Variants in TCEA3 observed in about 807,000 individuals in gnomAD.
TCEA3 encodes transcription elongation factor A3.
Under a neutral mutation model 44.0 loss-of-function variants are expected in TCEA3, and 36 were observed. That is an observed-to-expected ratio of 0.82 (90% CI 0.63 to 1.08). The LOEUF (loss-of-function observed/expected upper bound fraction) is 1.08, where lower values mean the gene tolerates loss of function less well. Among genes scored for constraint, TCEA3 ranks in the 50% least tolerant of loss-of-function variants. The pLI is 0.00. For synonymous variants in TCEA3, 162 were observed against 159.7 expected, an observed-to-expected ratio of 1.01 and a Z score of -0.11; for missense variants, 392 against 441.2, an observed-to-expected ratio of 0.89 and a Z score of 1.00.
intron 5 of TCEA3, among the ~76,000 whole-genome samples, chr1:23,407,305 C>T (rs1639571526): frequency 6.6e-6 from 1 of 152,182 alleles, no homozygotes; most frequent in African/African-American, 2.4e-5. Flanking sequence ...TGATATCTTG[C>T]CTGAATTACC....
At position 23,417,309 on chromosome 1, in the gene TCEA3, T is replaced by C; in HGVS notation, c.320A>G (p.Asp107Gly). 1 of 1,614,062 alleles carries C rather than the reference T, an allele frequency of 6.2e-7. No homozygotes were observed. The highest frequency in any genetic ancestry group is 8.5e-7 in the Non-Finnish European group (1 of 1,179,904). ...AGAAAGGCCTGCTTCTGGCTTCCAG[T>C]CTGAACACTCAAGCCCTTTTTCCTT... Reference protein sequence around the residue: ...KKKEKGLECSDWKPEAGLSPP... With the variant: ...KKKEKGLECSGWKPEAGLSPP... Residue 107 changes from aspartate (D) to glycine (G), a missense_variant, in exon 4 of 11, where the codon GAC (aspartate) becomes GGC (glycine). Coordinates refer to ENST00000450454, the MANE Select transcript of TCEA3 (RefSeq NM_003196.3).
rs567463790 is a variant in TCEA3, at chr1:23,393,993, C to T, written c.705G>A (p.Arg235=). 2.1e-5 allele frequency: 34 copies of T among 1,614,058 alleles called. No homozygotes were observed. In the East Asian group the frequency reaches 7.1e-4, roughly 34 times the overall value. Residue 235 remains arginine (R), a synonymous_variant, in exon 8 of 11, where the codon CGG becomes CGA. Coordinates refer to ENST00000450454, the MANE Select transcript of TCEA3 (RefSeq NM_003196.3). ...QELKSTDMKY[R]NRVRSRISNL... ...TGCTTATGCGGCTGCGCACGCGGTT[C>T]CGGTACTTCATGTCCGTGCTCTTGA...
intron 1 of TCEA3, chr1:23,424,030 C>G (rs1218808477): frequency 5.4e-6 from 2 of 367,750 alleles, no homozygotes; most frequent in East Asian, 1.5e-4. Context: ...CCTGACGCAC[C>G]AAGCGGTGGG....
intron 1 of TCEA3, among the ~76,000 whole-genome samples, chr1:23,422,438 G>A (rs1347098858): frequency 6.6e-6 from 1 of 152,198 alleles, no homozygotes; most frequent in Non-Finnish European, 1.5e-5. Flanking sequence ...ATGCTCAGAG[G>A]ATGTGACAAA....
chr1:23,403,452 C>G (rs990500140), intron 5 of TCEA3: 2 of 152,216 alleles, frequency 1.3e-5, no homozygotes, highest in Non-Finnish European at 2.9e-5. Context: ...AGGCAGTTTA[C>G]ATAGATAACC....
chr1:23,392,387 C>A (rs111634557), intron 8 of TCEA3, among the ~76,000 whole-genome samples: 5 of 13,276 alleles, frequency 3.8e-4, no homozygotes, highest in South Asian at 2.2e-3. Flanking sequence ...ACATCATACA[C>A]AAAACACACT....
intron 1 of TCEA3, among the ~76,000 whole-genome samples, chr1:23,422,329 TTAAC>T (rs1471820391): frequency 2.0e-5 from 3 of 152,228 alleles, no homozygotes; most frequent in Non-Finnish European, 4.4e-5. Flanking sequence ...AGTTGCTTGT[TTAAC>T]TACTGTGTTG....
chr1:23,422,025 C>T (rs1200810593), intron 1 of TCEA3, among the ~76,000 whole-genome samples: 1 of 152,192 alleles, frequency 6.6e-6, no homozygotes, highest in Admixed American at 6.5e-5. Context: ...CAAATGGGTT[C>T]TGTAGCCAGT....
intron 7 of TCEA3, among the ~76,000 whole-genome samples, chr1:23,395,878 T>A (rs1002158532): frequency 7.1e-6 from 1 of 140,520 alleles, no homozygotes; most frequent in African/African-American, 2.7e-5. Flanking sequence ...AGGCTGGGAG[T>A]GGAACTTTGT....
intron 7 of TCEA3, among the ~76,000 whole-genome samples, chr1:23,396,184 C>T (rs189856360): frequency 1.3e-5 from 2 of 152,044 alleles, no homozygotes; most frequent in Non-Finnish European, 2.9e-5. Context: ...GCAAATTTGT[C>T]GTCTGCAGAT....
intron 9 of TCEA3, among the ~76,000 whole-genome samples, chr1:23,386,439 C>T (rs577488000): frequency 6.6e-6 from 1 of 152,280 alleles, no homozygotes; most frequent in East Asian, 1.9e-4. Context: ...CGTTTCACCA[C>T]GTTGCCCAGG....
At position 23,383,401 on chromosome 1, in the gene TCEA3, G is replaced by A. The variant is rs1036159872; in HGVS notation, c.1038+945C>T. On this transcript the variant is annotated intron_variant, in intron 10 of 10. Transcript: ENST00000450454. ...TGTATTTCAATTTCCTTGTCTGAAAGTAAGAATAACATTATAAAGGAACAA... is the reference window on the plus strand; with the variant it reads ...TGTATTTCAATTTCCTTGTCTGAAAATAAGAATAACATTATAAAGGAACAA... 12 of 942,126 alleles carry A rather than the reference G, an allele frequency of 1.3e-5. No individual in the cohort carries two copies. The Admixed American group carries it at 6.2e-4, about 49-fold the overall frequency. 58.4% of individuals were successfully genotyped at this position (942,126 alleles called of 1,614,324 possible).
Position 23,381,424 on chromosome 1 carries a change from CCT to C in TCEA3, c.*40_*41del. 1 of 779,850 alleles carries C rather than the reference CCT, an allele frequency of 1.3e-6. No homozygotes were observed. Among genetic ancestry groups the C allele is most frequent in the Non-Finnish European group, 2.4e-6 (1 of 417,742 alleles). The allele number at this position is 779,850 out of a possible 1,614,324, so 48.3% of individuals were successfully genotyped here. A position where few individuals can be genotyped will look rare whatever the true frequency, so the allele number is the denominator to read the frequency against. ...CTCCAGTTCAGATAATTCAGCGCTT[CCT>C]CTTTCTTCTTCCTCACCTTGTTCAT... On this transcript the variant is annotated 3_prime_UTR_variant, in exon 11 of 11. Transcript: ENST00000450454.
At chr1:23,385,614 C>T (rs898410948) in intron 9 of TCEA3, among the ~76,000 whole-genome samples, 8 of 152,128 alleles carry the variant, frequency 5.3e-5, no homozygotes, top group Admixed American at 4.6e-4. Context: ...TGGTGTGTGC[C>T]GAACAGACGG....
chr1:23,413,939 T>C (rs1381235508), intron 4 of TCEA3, among the ~76,000 whole-genome samples: 1 of 148,450 alleles, frequency 6.7e-6, no homozygotes, highest in Non-Finnish European at 1.5e-5. Context: ...AATAGGTATT[T>C]TATACCTATT....
chr1:23,413,402 A>G (rs994077424), intron 4 of TCEA3, among the ~76,000 whole-genome samples: 1 of 152,142 alleles, frequency 6.6e-6, no homozygotes, highest in Middle Eastern at 3.4e-3. Flanking sequence ...TGCTGGGATT[A>G]CAAGCATGAG....
rs1638669907 is a variant in TCEA3, at chr1:23,381,460, G to C, written c.*6C>G. The stretch of plus-strand genomic sequence containing the variant: ...TTCCTCACCTTGTTCATGGCTGGCT[G>C]TTCCATCAGCAGAACTACAAAACCA... On this transcript the variant is annotated 3_prime_UTR_variant, in exon 11 of 11. Coordinates refer to ENST00000450454, the MANE Select transcript of TCEA3 (RefSeq NM_003196.3). The C allele has an allele frequency of 2.6e-6, 2 of 780,852 alleles. No homozygotes were observed. Among genetic ancestry groups the C allele is most frequent in the Non-Finnish European group, 4.8e-6 (2 of 417,970 alleles). 48.4% of individuals were successfully genotyped at this position (780,852 alleles called of 1,614,324 possible).
chr1:23,399,136 GTATATATGTATATATATATATATA>G (rs201686247), intron 5 of TCEA3, among the ~76,000 whole-genome samples: 14,361 of 58,680 alleles, frequency 0.24, 1,676 homozygotes, highest in South Asian at 0.47. Flanking sequence ...TTATATATAT[GTATATATGTATATATATATATATA>G]TATATATATA....
chr1:23,404,650 T>C (rs991450783), intron 5 of TCEA3, among the ~76,000 whole-genome samples: 8 of 152,080 alleles, frequency 5.3e-5, no homozygotes, highest in African/African-American at 1.7e-4. Context: ...TGTGAATATG[T>C]TGCTGATACT....
Sources: allele counts gnomAD v4.1 joint callset (sites outside exome capture counted in the v4.1 genomes callset), GRCh38; gene constraint gnomAD v4.1.1; transcripts MANE v1.5; gene names NCBI Gene and HGNC (gene_info 2026-07-23, HGNC 2026-07-21).